DZIP3: variants seen among roughly 807,000 people sequenced by gnomAD.
DZIP3 encodes E3 ubiquitin-protein ligase DZIP3.
In DZIP3, 118 loss-of-function variants were observed where a neutral mutation model predicts 162.0. The observed-to-expected ratio is 0.73, with a 90% CI of 0.63 to 0.85. The LOEUF (loss-of-function observed/expected upper bound fraction) is 0.85. Among genes scored for constraint, DZIP3 ranks in the 40% least tolerant of loss-of-function variants. The pLI, the probability that DZIP3 is intolerant of heterozygous loss-of-function variation, is 0.00. For synonymous variants in DZIP3, 438 were observed against 458.6 expected, an observed-to-expected ratio of 0.96 and a Z score of 0.57; for missense variants, 1,331 against 1,407.0, an observed-to-expected ratio of 0.95 and a Z score of 0.86.
intron 26 of DZIP3, among the ~76,000 whole-genome samples, chr3:108,678,616 C>A (rs1944196683): frequency 6.6e-6 from 1 of 152,006 alleles, no homozygotes. Context: ...ATAAACTAAT[C>A]CCTGTCCTGT....
chr3:108,663,018 A>G (rs553767725), intron 21 of DZIP3, among the ~76,000 whole-genome samples: 23 of 152,314 alleles, frequency 1.5e-4, no homozygotes, highest in Middle Eastern at 6.8e-3. Context: ...GGAGTCCAAG[A>G]TATTTCTTAT....
intron 22 of DZIP3, among the ~76,000 whole-genome samples, chr3:108,671,678 T>C (rs971046047): frequency 1.3e-5 from 2 of 151,988 alleles, no homozygotes; most frequent in African/African-American, 4.8e-5. Flanking sequence ...GTGGTTGCTA[T>C]CATTGGGATA....
intron 3 of DZIP3, among the ~76,000 whole-genome samples, chr3:108,608,395 A>AG (rs1940501721): frequency 6.6e-6 from 1 of 152,154 alleles, no homozygotes; most frequent in Non-Finnish European, 1.5e-5. Context: ...TAGTAAAAAA[A>AG]AATTGAATGG....
intron 19 of DZIP3, among the ~76,000 whole-genome samples, chr3:108,658,757 G>T (rs1943269598): frequency 2.0e-5 from 3 of 151,924 alleles, no homozygotes; most frequent in Middle Eastern, 3.4e-3. Context: ...GACTAATAAA[G>T]AAGAAAAGAG....
At chr3:108,642,942 T>C (rs1252016682) in intron 13 of DZIP3, among the ~76,000 whole-genome samples, 1 of 152,186 alleles carries the variant, frequency 6.6e-6, no homozygotes, top group Admixed American at 6.5e-5. Flanking sequence ...CTTAGGAGTG[T>C]GCTAGGAAAT....
intron 26 of DZIP3, 122 bp from the exon 27 acceptor site, chr3:108,684,094 C>G: frequency 1.8e-6 from 2 of 1,133,352 alleles, no homozygotes; most frequent in Non-Finnish European, 2.4e-6. Flanking sequence ...TGCTTTGTAT[C>G]TTGAGTTCAA....
intron 8 of DZIP3, among the ~76,000 whole-genome samples, chr3:108,631,055 A>ACACACACAGACACT: frequency 5.6e-5 from 1 of 18,014 alleles, no homozygotes; most frequent in Admixed American, 8.5e-4. Flanking sequence ...ACACACACAC[A>ACACACACAGACACT]CTCTCTCTCT....
At chr3:108,692,298 A>ATC in intron 32 of DZIP3, among the ~76,000 whole-genome samples, 1 of 152,140 alleles carries the variant, frequency 6.6e-6, no homozygotes, top group African/African-American at 2.4e-5. Flanking sequence ...GTCCTGGGAG[A>ATC]TGATCAGGAG....
At chr3:108,629,830 A>AT (rs1219346521) in intron 8 of DZIP3, among the ~76,000 whole-genome samples, 1 of 151,378 alleles carries the variant, frequency 6.6e-6, no homozygotes, top group African/African-American at 2.4e-5. Flanking sequence ...AATATATAGT[A>AT]TTTTTTATTT....
chr3:108,611,313 C>G lies in DZIP3; in HGVS notation c.242C>G (p.Ser81Cys). 3 of 1,612,254 alleles carry G rather than the reference C, an allele frequency of 1.9e-6. No individual in the cohort carries two copies. The highest frequency in any genetic ancestry group is 2.5e-6 in the Non-Finnish European group (3 of 1,179,366). Reference sequence around the variant, plus strand: ...AAGAAGTTCTTACAAGAAGATTTTTCCTTCCAAACTATGCAGGTAACGTCA... The same window carrying G: ...AAGAAGTTCTTACAAGAAGATTTTTGCTTCCAAACTATGCAGGTAACGTCA... Reference protein sequence around the residue: ...HIKKFLQEDFSFQTMQREVAA... With the variant: ...HIKKFLQEDFCFQTMQREVAA... The change falls in exon 4 of 33, where the codon TCC (serine) becomes TGC (cysteine). Residue 81 changes from serine (S) to cysteine (C), a missense_variant. By Grantham distance (112) the Ser-to-Cys change is moderately radical. This residue lies in a region of DZIP3 where 1,278 missense variants were observed against 1,317.1 expected (regional missense o/e 0.97). Coordinates refer to ENST00000361582, the MANE Select transcript of DZIP3 (RefSeq NM_014648.4).
intron 5 of DZIP3, among the ~76,000 whole-genome samples, chr3:108,617,439 T>G (rs958154058): frequency 1.3e-5 from 2 of 152,164 alleles, no homozygotes; most frequent in Admixed American, 1.3e-4. Flanking sequence ...ATTAATCAGC[T>G]TCTCTTTCTT....
intron 14 of DZIP3, among the ~76,000 whole-genome samples, chr3:108,646,346 G>A (rs1479774176): frequency 6.6e-6 from 1 of 152,118 alleles, no homozygotes; most frequent in African/African-American, 2.4e-5. Flanking sequence ...AATATTCGTT[G>A]CTTGGTTTAA....
rs140053547 is a variant in DZIP3, at chr3:108,646,069, A to G, written c.1760-548A>G. Among the ~76,000 whole-genome samples, 95 of 152,242 alleles carry G rather than the reference A, an allele frequency of 6.2e-4. 2 individuals are homozygous for G. Among genetic ancestry groups the G allele is most frequent in the Non-Finnish European group, 1.9e-4 (13 of 68,006 alleles). On this transcript the variant is annotated intron_variant, in intron 14 of 32. Coordinates refer to ENST00000361582, the MANE Select transcript of DZIP3 (RefSeq NM_014648.4). ...TTATATTTCTTTCCTCAGCTATTCT[A>G]GTTGCTTTTTATTTGGATATCTGAT... is the stretch of plus-strand genomic sequence containing the variant.
chr3:108,624,616 A>G, intron 6 of DZIP3, 92 bp downstream of exon 6: 1 of 629,280 alleles, frequency 1.6e-6, no homozygotes, highest in Non-Finnish European at 2.6e-6. Context: ...AATATTAAAA[A>G]AGGAAACTTA....
chr3:108,613,910 C>G (rs1478248723), intron 4 of DZIP3, among the ~76,000 whole-genome samples: 2 of 152,010 alleles, frequency 1.3e-5, no homozygotes, highest in African/African-American at 4.8e-5. Flanking sequence ...AAGAAGAAAT[C>G]ACAATAGAAG....
chr3:108,653,813 A>G (rs1942982634), intron 18 of DZIP3, among the ~76,000 whole-genome samples: 1 of 152,020 alleles, frequency 6.6e-6, no homozygotes, highest in African/African-American at 2.4e-5. Flanking sequence ...ATGCTTGCCA[A>G]TATTTCTGAA....
At chr3:108,692,769 C>T (rs9825147) in intron 32 of DZIP3, among the ~76,000 whole-genome samples, 2,886 of 152,076 alleles carry the variant, frequency 0.019, 97 homozygotes, top group African/African-American at 0.066. Flanking sequence ...ACAAGTTTGC[C>T]AAGTTCCCCC....
At chr3:108,651,517 C>T (rs934149720) in intron 18 of DZIP3, among the ~76,000 whole-genome samples, 6 of 151,484 alleles carry the variant, frequency 4.0e-5, no homozygotes, top group African/African-American at 1.5e-4. Flanking sequence ...AAGGATGCAT[C>T]ACTCCTAGGT....
At chr3:108,670,692 A>C (rs191640623) in intron 22 of DZIP3, among the ~76,000 whole-genome samples, 16 of 152,008 alleles carry the variant, frequency 1.1e-4, no homozygotes, top group African/African-American at 3.9e-4. Context: ...CTTTTTGAGG[A>C]ATTGCCAAAC....
Sources: gnomAD v4.1 joint callset for allele counts (sites outside exome capture counted in the v4.1 genomes callset) on GRCh38, gnomAD v4.1.1 for gene constraint, gnomAD v4.1.1 regional missense constraint, MANE v1.5 for transcripts, NCBI Gene and HGNC (gene_info 2026-07-23, HGNC 2026-07-21) for gene names.